The following RFWD3 variants were observed in gnomAD, a reference collection of about 807,000 sequenced individuals.
The protein encoded by RFWD3 is ring finger and WD repeat domain 3.
Under a neutral mutation model 87.7 loss-of-function variants are expected in RFWD3, and 65 were observed. The observed-to-expected ratio is 0.74, with a 90% confidence interval of 0.61 to 0.91. The LOEUF is 0.91. Among genes scored for constraint, RFWD3 ranks in the 40% least tolerant of loss-of-function variants. RFWD3 has a pLI of 0.00. For synonymous variants in RFWD3, 433 were observed against 352.8 expected (o/e 1.23, Z -2.55); for missense variants, 1,078 against 938.5 (o/e 1.15, Z -1.94).
chr16:74,656,315 A>T (rs1026499874), intron 2 of RFWD3, among the ~76,000 whole-genome samples: 17 of 148,418 alleles, frequency 1.1e-4, no homozygotes, highest in Non-Finnish European at 2.6e-4. Context: ...TGCCAAAAAA[A>T]AAAAAAAAAA....
intron 8 of RFWD3, among the ~76,000 whole-genome samples, chr16:74,633,394 T>C (rs1204313733): frequency 2.8e-5 from 4 of 142,322 alleles, no homozygotes; most frequent in African/African-American, 1.0e-4. Flanking sequence ...TCCAGGTAAA[T>C]GGATAAACAA....
At chr16:74,629,325 GA>G (rs1477033256) in intron 10 of RFWD3, among the ~76,000 whole-genome samples, 1 of 152,192 alleles carries the variant, frequency 6.6e-6, no homozygotes, top group African/African-American at 2.4e-5. Context: ...AAATAAAAAT[GA>G]ACATTACATA....
At chr16:74,650,599 A>T (rs1232292146) in intron 3 of RFWD3, among the ~76,000 whole-genome samples, 1 of 152,038 alleles carries the variant, frequency 6.6e-6, no homozygotes, top group Non-Finnish European at 1.5e-5. Context: ...CTTTGCCTAG[A>T]TATATAATTT....
chr16:74,656,199 G>A (rs1960961381), intron 2 of RFWD3, among the ~76,000 whole-genome samples: 1 of 151,050 alleles, frequency 6.6e-6, no homozygotes, highest in Admixed American at 6.6e-5. Flanking sequence ...TCTGTAGGCT[G>A]AGGCAGGAGG....
At chr16:74,666,707 A>T (rs1186844201) in intron 1 of RFWD3, 79 bp downstream of exon 1, 3 of 151,114 alleles carry the variant, frequency 2.0e-5, no homozygotes, top group Admixed American at 2.0e-4. Context: ...CCTGAATCCC[A>T]ATCCAGGAAT....
At chr16:74,633,718 G>C (rs1350171536) in intron 8 of RFWD3, among the ~76,000 whole-genome samples, 2 of 152,146 alleles carry the variant, frequency 1.3e-5, no homozygotes, top group Non-Finnish European at 2.9e-5. Context: ...GGGAGGCTGA[G>C]GTGGGTGGCT....
intron 2 of RFWD3, among the ~76,000 whole-genome samples, chr16:74,655,154 A>G (rs935890282): frequency 6.6e-6 from 1 of 152,210 alleles, no homozygotes; most frequent in Non-Finnish European, 1.5e-5. Context: ...TTGCAGCTAC[A>G]GAGAAGTCAA....
rs1418226377 is a variant in RFWD3 at position 74,628,618 on chromosome 16, T to A, written c.1803A>T (p.Ala601=). Residue 601 remains alanine (A), a synonymous_variant, in exon 11 of 13, where the codon GCA becomes GCT. Transcript: ENST00000361070. ...CAGCCAGCACCCCACCATATGGAAA[T>A]GCAGCTGAGGCAGCTCTGGGCATGT... The part of the protein sequence containing the change: ...LSYMPRAASA[A]FPYGGVLAGT... 6.2e-7 allele frequency: 1 copy of A among 1,614,136 alleles called. No individual in the cohort carries two copies. The highest frequency in any genetic ancestry group is 1.1e-5 in the South Asian group (1 of 91,084).
Position 74,649,252 on chromosome 16 carries a change from A to G in RFWD3, c.722-50T>C, listed in dbSNP as rs1346190594. On this transcript the variant is annotated intron_variant, in intron 3 of 12. Transcript: ENST00000361070. Reference sequence around the variant, plus strand: ...CAGGAGAGGTAAAATACAAAATAAGATATGTCAGGTATGAGAAGCTAGCAG... The same window carrying G: ...CAGGAGAGGTAAAATACAAAATAAGGTATGTCAGGTATGAGAAGCTAGCAG... 24 of 1,348,664 alleles carry G rather than the reference A, an allele frequency of 1.8e-5. 2 individuals are homozygous for G. The highest frequency in any genetic ancestry group is 1.8e-4 in the Middle Eastern group (1 of 5,450). 83.5% of individuals were successfully genotyped at this position (1,348,664 alleles called of 1,614,324 possible). A position where few individuals can be genotyped will look rare whatever the true frequency, so the allele number is the denominator to read the frequency against.
At chr16:74,657,375 T>C (rs1293089652) in intron 2 of RFWD3, among the ~76,000 whole-genome samples, 1 of 152,198 alleles carries the variant, frequency 6.6e-6, no homozygotes, top group African/African-American at 2.4e-5. Flanking sequence ...ATGAAAAAGT[T>C]GATCCTGACA....
intron 6 of RFWD3, among the ~76,000 whole-genome samples, chr16:74,641,787 A>G (rs560722774): frequency 1.6e-4 from 24 of 151,766 alleles, no homozygotes; most frequent in Non-Finnish European, 3.2e-4. Context: ...TTAGCTGGGC[A>G]TGGTGAAAGG....
At position 74,630,840 on chromosome 16, in the gene RFWD3, C is replaced by T. The variant is rs138396009; in HGVS notation, c.1695G>A (p.Leu565=). 481 of 1,613,592 alleles carry T rather than the reference C, an allele frequency of 3.0e-4. No individual in the cohort carries two copies. The highest frequency in any genetic ancestry group is 3.7e-4 in the Non-Finnish European group (441 of 1,179,904). ...IYAGLANGSI[L]VYDVRNTSSH... is the part of the protein sequence containing the mutation. ...TGCTCGTGTTTCGCACGTCATATAC[C>T]AGAATTGAACCATTGGCCAGTCCAG... Residue 565 remains leucine, a synonymous_variant, in exon 10 of 13, where the codon CTG becomes CTA. Transcript: ENST00000361070.
At chr16:74,640,436 G>A (rs985764783) in intron 6 of RFWD3, among the ~76,000 whole-genome samples, 1 of 151,956 alleles carries the variant, frequency 6.6e-6, no homozygotes, top group Non-Finnish European at 1.5e-5. Flanking sequence ...GAGCCAATGC[G>A]CCCGCCCGGA....
chr16:74,627,356 C>T (rs903310829), intron 11 of RFWD3, among the ~76,000 whole-genome samples: 1 of 152,140 alleles, frequency 6.6e-6, no homozygotes, highest in African/African-American at 2.4e-5. Context: ...TTAAAACATC[C>T]CTTCCCTGAG....
chr16:74,640,774 C>A lies in RFWD3; in HGVS notation c.1080-2804G>T, dbSNP rs9927167. 4.3e-3 allele frequency among the ~76,000 whole-genome samples: 651 copies of A among 151,800 alleles called. 7 individuals are homozygous for A. The highest frequency in any genetic ancestry group is 0.015 in the African/African-American group (626 of 41,412). On this transcript the variant is annotated intron_variant, in intron 6 of 12. Transcript: ENST00000361070. ...CCAAGATGGTGAAACCCCGTCTCTACTAAAAATACAAAAAATTAGCCAGGC... is the reference window on the plus strand; with the variant it reads ...CCAAGATGGTGAAACCCCGTCTCTAATAAAAATACAAAAAATTAGCCAGGC...
At position 74,644,422 on chromosome 16, in the gene RFWD3, A is replaced by G; in HGVS notation, c.1019T>C (p.Val340Ala). The G allele has an allele frequency of 6.2e-7, 1 of 1,614,224 alleles. No individual in the cohort carries two copies. Among genetic ancestry groups the G allele is most frequent in the Non-Finnish European group, 8.5e-7 (1 of 1,180,044 alleles). ...TCTCAGGGTTCGGGCATAAAGGACG[A>G]CAATGTCACTGTGCCTGGCTTTCTT... ...CNKKARHSDI[V>A]VLYARTLRAL... The change falls in exon 6 of 13, where the codon GTC becomes GCC. Residue 340 changes from valine (V) to alanine (A), a missense_variant. By Grantham distance (64) the Val-to-Ala change is moderately conservative. Transcript: ENST00000361070.
intron 10 of RFWD3, among the ~76,000 whole-genome samples, chr16:74,629,459 G>C (rs1038740065): frequency 2.0e-5 from 3 of 152,148 alleles, no homozygotes; most frequent in African/African-American, 7.2e-5. Context: ...ACCGGTTTGA[G>C]ACCAGCCTGG....
At chr16:74,663,226 A>G (rs1234545648) in intron 1 of RFWD3, among the ~76,000 whole-genome samples, 1 of 152,202 alleles carries the variant, frequency 6.6e-6, no homozygotes, top group Non-Finnish European at 1.5e-5. Flanking sequence ...TCTTAAAATC[A>G]TCAAAGCAGA....
intron 10 of RFWD3, among the ~76,000 whole-genome samples, chr16:74,629,150 T>C (rs755970373): frequency 2.6e-5 from 4 of 152,232 alleles, no homozygotes; most frequent in Admixed American, 6.5e-5. Flanking sequence ...TCTGCAAGCA[T>C]ATGACCAGGA....
Sources: gnomAD v4.1 joint callset for allele counts (sites outside exome capture counted in the v4.1 genomes callset) on GRCh38, gnomAD v4.1.1 for gene constraint, MANE v1.5 for transcripts, NCBI Gene and HGNC (gene_info 2026-07-23, HGNC 2026-07-21) for gene names.